Variants in LAT2 observed in about 807,000 individuals in gnomAD.
The protein encoded by LAT2 is linker for activation of T cells family member 2.
Under a neutral mutation model 43.4 loss-of-function variants are expected in LAT2, and 23 were observed. The observed-to-expected ratio is 0.53, with a 90% CI of 0.38 to 0.75. LAT2 has a LOEUF of 0.75. Ranked by LOEUF, LAT2 falls within the 30% of genes least tolerant of loss-of-function variation. LAT2 has a pLI of 0.00. For synonymous variants in LAT2, 128 were observed against 123.2 expected, an observed-to-expected ratio of 1.04 and a Z score of -0.26; for missense variants, 284 against 310.2, an observed-to-expected ratio of 0.92 and a Z score of 0.64.
intron 1 of LAT2, among the ~76,000 whole-genome samples, chr7:74,214,280 A>AT (rs1801882898): frequency 2.5e-5 from 2 of 79,540 alleles, no homozygotes; most frequent in Non-Finnish European, 4.2e-5. Context: ...ATATATATAT[A>AT]AATATATATA....
chr7:74,217,380 G>A (rs782704847), intron 4 of LAT2, among the ~76,000 whole-genome samples: 5 of 151,912 alleles, frequency 3.3e-5, no homozygotes, highest in South Asian at 2.1e-4. Flanking sequence ...GCAGAGAGCC[G>A]AGATTGTGCC....
Position 74,216,739 on chromosome 7 carries a change from G to C in LAT2, c.95-86G>C, listed in dbSNP as rs1431515365. 6.0e-6 allele frequency: 7 copies of C among 1,159,918 alleles called. No homozygotes were observed. The African/African-American group carries it at 9.1e-5, about 15-fold the overall frequency. The allele number at this position is 1,159,918 out of a possible 1,614,324, so 71.9% of individuals were successfully genotyped here. A position where few individuals can be genotyped will look rare whatever the true frequency, so the allele number is the denominator to read the frequency against. ...GGCCCCCAAGTCCTGTCTGAGTCCTGCTGGAGACAAGACATGGCGGGGGGT... is the reference window on the plus strand; with the variant it reads ...GGCCCCCAAGTCCTGTCTGAGTCCTCCTGGAGACAAGACATGGCGGGGGGT... On this transcript the variant is annotated intron_variant, in intron 3 of 13. Coordinates refer to ENST00000460943, the MANE Select transcript of LAT2 (RefSeq NM_032464.3).
chr7:74,216,079 G>A lies in LAT2; in HGVS notation c.94+10G>A, dbSNP rs782034802. Reference sequence around the variant, plus strand: ...CGCTGCTCACGCCCAGGTAAGCGGGGGTCTCGGGGACGTGATGGGGAGAAG... The same window carrying A: ...CGCTGCTCACGCCCAGGTAAGCGGGAGTCTCGGGGACGTGATGGGGAGAAG... On this transcript the variant is annotated intron_variant, in intron 3 of 13. Transcript: ENST00000460943. The A allele has an allele frequency of 4.4e-6, 7 of 1,604,254 alleles. No individual in the cohort carries two copies. The highest frequency in any genetic ancestry group is 2.2e-5 in the South Asian group (2 of 90,576).
intron 1 of LAT2, among the ~76,000 whole-genome samples, chr7:74,213,940 G>A (rs1296298232): frequency 6.7e-6 from 1 of 149,322 alleles, no homozygotes; most frequent in East Asian, 2.0e-4. Flanking sequence ...ATCTCCAGGG[G>A]GCCAGGTCTC....
At chr7:74,216,156 C>T (rs2116122384) in intron 3 of LAT2, 87 bp downstream of exon 3, 1 of 1,150,844 alleles carries the variant, frequency 8.7e-7, no homozygotes, top group Non-Finnish European at 1.2e-6. Flanking sequence ...TGGCTGTGGT[C>T]AGAAGAGGTG....
intron 1 of LAT2, among the ~76,000 whole-genome samples, chr7:74,213,702 C>G (rs575459167): frequency 6.6e-6 from 1 of 152,112 alleles, no homozygotes; most frequent in Non-Finnish European, 1.5e-5. Flanking sequence ...GGATTACAGG[C>G]GTGAGCCACC....
intron 4 of LAT2, among the ~76,000 whole-genome samples, chr7:74,218,028 G>A (rs543375935): frequency 2.6e-5 from 4 of 152,044 alleles, no homozygotes; most frequent in South Asian, 2.1e-4. Context: ...TTGACTCCTC[G>A]GACACTTCCC....
intron 1 of LAT2, among the ~76,000 whole-genome samples, chr7:74,213,134 G>C (rs1251942050): frequency 6.6e-6 from 1 of 151,976 alleles, no homozygotes; most frequent in East Asian, 1.9e-4. Flanking sequence ...TTATTATTGA[G>C]ATAGAGTTTC....
At chr7:74,216,886 A>G (rs1802066532) in intron 4 of LAT2, 22 bp downstream of exon 4, 1 of 1,609,570 alleles carries the variant, frequency 6.2e-7, no homozygotes, top group African/African-American at 1.3e-5. Flanking sequence ...CGATGTCCCT[A>G]GCCTGGTGTA....
At chr7:74,212,095 C>A (rs531271449) in intron 1 of LAT2, among the ~76,000 whole-genome samples, 30 of 152,020 alleles carry the variant, frequency 2.0e-4, no homozygotes, top group African/African-American at 7.2e-4. Flanking sequence ...AGGCATGTGC[C>A]ACTGCGCCTG....
At chr7:74,219,662 C>T (rs1802188055) in intron 4 of LAT2, 82 bp from the exon 5 acceptor site, 4 of 1,549,708 alleles carry the variant, frequency 2.6e-6, no homozygotes, top group Non-Finnish European at 3.6e-6. Flanking sequence ...CTCCTCATCC[C>T]TGCCTGTCCC....
In LAT2 at chr7:74,219,990, C is replaced by T. The variant is rs369645558; in HGVS notation, c.209C>T (p.Ala70Val). 71 of 1,613,558 alleles carry T rather than the reference C, an allele frequency of 4.4e-5. No individual in the cohort carries two copies. Among genetic ancestry groups the T allele is most frequent in the Non-Finnish European group, 5.4e-5 (64 of 1,179,986 alleles). The change falls in exon 6 of 14, where the codon GCG becomes GTG. Residue 70 changes from alanine to valine, a missense_variant. By Grantham distance (64) the Ala-to-Val change is moderately conservative. Coordinates refer to ENST00000460943, the MANE Select transcript of LAT2 (RefSeq NM_032464.3). ...GGGCAGGCATGGCCAGGACCCCTGG[C>T]GGACATGGCACCCACAAGGTAGGTC... ...LVGQAWPGPL[A>V]DMAPTRKDKL...
intron 1 of LAT2, 29 bp from the exon 2 acceptor site, chr7:74,214,793 T>TATATA (rs1554714004): frequency 2.2e-4 from 9 of 40,810 alleles, no homozygotes; most frequent in Admixed American, 1.1e-3. Context: ...ATATATATAT[T>TATATA]TTTTTTTTTT....
At chr7:74,224,551 G>C (rs1271889593) in intron 12 of LAT2, 88 bp from the exon 13 acceptor site, 3 of 1,171,058 alleles carry the variant, frequency 2.6e-6, no homozygotes, top group Non-Finnish European at 3.7e-6. Flanking sequence ...GGGCTGTTTT[G>C]TGGAGTCTGG....
chr7:74,229,718 T>TGTG lies in LAT2; in HGVS notation c.*794_*796dup, dbSNP rs1802622684. 6.6e-6 allele frequency: 1 copy of TGTG among 152,286 alleles called. No homozygotes were observed. Among genetic ancestry groups the TGTG allele is most frequent in the Non-Finnish European group, 1.5e-5 (1 of 68,086 alleles). The allele number at this position is 152,286 out of a possible 1,614,324, so 9.4% of individuals were successfully genotyped here. Reference sequence around the variant, plus strand: ...CTCTGCAGAGCTGATTAAACAGTGTTGTGACTGTCTCATGGGAAGAGCTGG... The same window carrying TGTG: ...CTCTGCAGAGCTGATTAAACAGTGTTGTGGTGACTGTCTCATGGGAAGAGCTGG... On this transcript the variant is annotated 3_prime_UTR_variant, in exon 14 of 14. Coordinates refer to ENST00000460943, the MANE Select transcript of LAT2 (RefSeq NM_032464.3).
Position 74,220,700 on chromosome 7 carries a change from G to A in LAT2, c.302-4G>A, listed in dbSNP as rs373702765. 75 of 1,608,498 alleles carry A rather than the reference G, an allele frequency of 4.7e-5. No individual in the cohort carries two copies. Among genetic ancestry groups the A allele is most frequent in the South Asian group, 1.1e-4 (10 of 90,960 alleles). ...TCAGGCCCAATTCTCGCCTCCTCCC[G>A]CAGGAAGCAGACACGGGTCGGAGGA... On this transcript the variant is annotated splice_polypyrimidine_tract_variant and splice_region_variant and intron_variant, in intron 8 of 13. Coordinates refer to ENST00000460943, the MANE Select transcript of LAT2 (RefSeq NM_032464.3). The surrounding 1 kb of genome is among the most constrained non-coding windows in gnomAD (Gnocchi z 4.5).
intron 10 of LAT2, among the ~76,000 whole-genome samples, chr7:74,222,636 C>T (rs1436330329): frequency 6.6e-6 from 1 of 151,736 alleles, no homozygotes; most frequent in Non-Finnish European, 1.5e-5. Context: ...TACAATGTCA[C>T]GATCTTGGTT....
intron 10 of LAT2, 126 bp from the exon 11 acceptor site, chr7:74,223,598 G>T: frequency 1.2e-6 from 1 of 844,482 alleles, no homozygotes; most frequent in East Asian, 2.4e-5. Context: ...GGTCCCGGGG[G>T]ACCCAGAGGG....
chr7:74,219,730 C>T lies in LAT2; in HGVS notation c.135-14C>T, dbSNP rs1802191237. 6.2e-7 allele frequency: 1 copy of T among 1,613,984 alleles called. No individual in the cohort carries two copies. The highest frequency in any genetic ancestry group is 8.5e-7 in the Non-Finnish European group (1 of 1,180,014). On this transcript the variant is annotated splice_polypyrimidine_tract_variant and intron_variant, in intron 4 of 13. Transcript: ENST00000460943. Reference sequence around the variant, plus strand: ...AGTCCAGGCCCAGGCTCAGCACAGCCCATGCATTTCCAGGCGTGAGGACCA... The same window carrying T: ...AGTCCAGGCCCAGGCTCAGCACAGCTCATGCATTTCCAGGCGTGAGGACCA...
Sources: gnomAD v4.1 joint callset for allele counts (sites outside exome capture counted in the v4.1 genomes callset) on GRCh38, gnomAD v4.1.1 for gene constraint, Gnocchi (gnomAD v3.1) non-coding constraint, MANE v1.5 for transcripts, NCBI Gene and HGNC (gene_info 2026-07-23, HGNC 2026-07-21) for gene names.